The following ERICH1 variants were observed in gnomAD, a reference collection of about 807,000 sequenced individuals.
ERICH1 encodes glutamate rich 1, also known as glutamate-rich protein 1.
Under a neutral mutation model 39.6 loss-of-function variants are expected in ERICH1, and 56 were observed. That is an observed-to-expected ratio of 1.41 (90% confidence interval 1.14 to 1.77). ERICH1 has a LOEUF of 1.77. ERICH1 is among the 40% of genes most tolerant of loss of function. ERICH1 has a pLI of 0.00. For missense variants in ERICH1, 826 were observed against 575.4 expected (o/e 1.44, Z -4.45); for synonymous variants, 313 against 223.6 (o/e 1.40, Z -3.57).
chr8:678,827 A>T (rs1005127272), intron 3 of ERICH1, among the ~76,000 whole-genome samples: 2 of 152,150 alleles, frequency 1.3e-5, no homozygotes, highest in African/African-American at 4.8e-5. Flanking sequence ...GAAAAAGCCA[A>T]CACATGTCTT....
intron 3 of ERICH1, among the ~76,000 whole-genome samples, chr8:636,146 G>A (rs973602047): frequency 2.6e-5 from 4 of 152,218 alleles, no homozygotes; most frequent in African/African-American, 9.6e-5. Context: ...CGCGCTCTAA[G>A]GCGGCTGAAT....
rs1202452921 is a variant in ERICH1 at position 731,131 on chromosome 8, C to G, written c.22+9G>C. The G allele has an allele frequency of 4.6e-6, 7 of 1,520,828 alleles. No homozygotes were observed. The highest frequency in any genetic ancestry group is 4.3e-5 in the African/African-American group (3 of 70,478). 94.2% of individuals were successfully genotyped at this position (1,520,828 alleles called of 1,614,324 possible). On this transcript the variant is annotated intron_variant, in intron 1 of 5. Coordinates refer to ENST00000262109, the MANE Select transcript of ERICH1 (RefSeq NM_207332.3). Reference sequence around the variant, plus strand: ...GGTCTGGGCAGGCCTCCGCACCGCACCCACCTACCGTGCTTCCTGTGCGCC... The same window carrying G: ...GGTCTGGGCAGGCCTCCGCACCGCAGCCACCTACCGTGCTTCCTGTGCGCC...
rs927441973 is a variant in ERICH1, at chr8:668,239, C to G, written c.1258+359G>C. ...CCACGTCAGGGGTTCAATAAGGTAC[C>G]AGAGAGTTGGAGGTAAGCAAAAATT... On this transcript the variant is annotated intron_variant, in intron 5 of 5. Coordinates refer to ENST00000262109, the MANE Select transcript of ERICH1 (RefSeq NM_207332.3). 9.4e-6 allele frequency: 3 copies of G among 318,546 alleles called. 1 individual carries two copies. Among genetic ancestry groups the G allele is most frequent in the Admixed American group, 9.6e-5 (2 of 20,770 alleles). The allele number at this position is 318,546 out of a possible 1,614,324, so 19.7% of individuals were successfully genotyped here.
downstream of ERICH1, among the ~76,000 whole-genome samples, chr8:660,710 G>T (rs1801301087): frequency 6.6e-6 from 1 of 152,214 alleles, no homozygotes; most frequent in Admixed American, 6.5e-5. Flanking sequence ...CCCTGGCCCT[G>T]GCCCAAACTG....
chr8:730,521 G>C (rs978045943), intron 1 of ERICH1, among the ~76,000 whole-genome samples: 1 of 152,212 alleles, frequency 6.6e-6, no homozygotes, highest in Non-Finnish European at 1.5e-5. Flanking sequence ...GGGGTTTGCA[G>C]GAAGCAGGAG....
intron 3 of ERICH1, among the ~76,000 whole-genome samples, chr8:652,987 T>A (rs796873986): frequency 7.2e-5 from 11 of 152,328 alleles, no homozygotes; most frequent in African/African-American, 2.2e-4. Flanking sequence ...AGCACACTCA[T>A]GTGCTGTTGC....
intron 3 of ERICH1, among the ~76,000 whole-genome samples, chr8:647,096 C>T (rs1196465593): frequency 1.5e-5 from 1 of 68,666 alleles, no homozygotes; most frequent in Non-Finnish European, 4.5e-5. Context: ...CCTGTCCACG[C>T]AGGTGGCGGG....
At chr8:637,122 T>A (rs1212127564) in intron 3 of ERICH1, among the ~76,000 whole-genome samples, 3 of 152,142 alleles carry the variant, frequency 2.0e-5, no homozygotes, top group African/African-American at 7.2e-5. Flanking sequence ...GCTTCTCTCT[T>A]CTCTCTGCAG....
intron 3 of ERICH1, chr8:627,159 G>C: frequency 2.2e-6 from 1 of 456,274 alleles, no homozygotes; most frequent in Non-Finnish European, 4.4e-6. Flanking sequence ...GCAGACCCAG[G>C]TCTGAGCTCA....
At chr8:634,191 C>CAAAA (rs889597437) in intron 3 of ERICH1, among the ~76,000 whole-genome samples, 1 of 129,838 alleles carries the variant, frequency 7.7e-6, no homozygotes, top group Non-Finnish European at 1.7e-5. Flanking sequence ...AAAAAACAAA[C>CAAAA]AAAAAAAACC....
At chr8:682,329 G>C (rs1806317412) in intron 3 of ERICH1, among the ~76,000 whole-genome samples, 1 of 152,174 alleles carries the variant, frequency 6.6e-6, no homozygotes, top group Non-Finnish European at 1.5e-5. Context: ...AAGACAGTTG[G>C]CTCAGCAGGT....
At chr8:712,707 G>A (rs1303794609) in intron 2 of ERICH1, among the ~76,000 whole-genome samples, 1 of 152,184 alleles carries the variant, frequency 6.6e-6, no homozygotes, top group Non-Finnish European at 1.5e-5. Flanking sequence ...AAAGTGCTGG[G>A]TGTTTTTAAT....
chr8:731,078 C>G, intron 1 of ERICH1, 62 bp downstream of exon 1: 1 of 1,395,880 alleles, frequency 7.2e-7, no homozygotes, highest in South Asian at 1.5e-5. Flanking sequence ...GAGTCAACAC[C>G]GCGGTCTGAG....
intron 3 of ERICH1, among the ~76,000 whole-genome samples, chr8:653,039 G>T (rs1226694135): frequency 6.6e-6 from 1 of 152,190 alleles, no homozygotes; most frequent in Non-Finnish European, 1.5e-5. Context: ...AGACGGGGTA[G>T]AAATTCCTCA....
chr8:654,308 T>TAA (rs985020314), intron 3 of ERICH1, among the ~76,000 whole-genome samples: 4 of 152,158 alleles, frequency 2.6e-5, no homozygotes, highest in African/African-American at 9.7e-5. Flanking sequence ...CCCGTTAACT[T>TAA]ACTAGCATAT....
At chr8:689,074 G>A (rs1202247411) in intron 3 of ERICH1, among the ~76,000 whole-genome samples, 1 of 152,160 alleles carries the variant, frequency 6.6e-6, no homozygotes, top group African/African-American at 2.4e-5. Flanking sequence ...TCCCAGAGAG[G>A]TACACTCATA....
At chr8:624,222 G>C (rs547490025) in intron 3 of ERICH1, among the ~76,000 whole-genome samples, 3 of 152,280 alleles carry the variant, frequency 2.0e-5, no homozygotes, top group East Asian at 3.9e-4. Flanking sequence ...AGGATGGCTA[G>C]ATGAGAAAGA....
chr8:690,202 G>A (rs764074500), intron 3 of ERICH1, among the ~76,000 whole-genome samples: 10 of 152,140 alleles, frequency 6.6e-5, no homozygotes, highest in African/African-American at 1.9e-4. Flanking sequence ...CCCACAGCCC[G>A]TCTCCTTCCA....
chr8:619,294 G>A (rs546524024), intron 3 of ERICH1, among the ~76,000 whole-genome samples: 6 of 152,238 alleles, frequency 3.9e-5, no homozygotes, highest in Admixed American at 6.5e-5. Context: ...GACCCACCGC[G>A]CACGAGGGGG....
Sources: allele counts gnomAD v4.1 joint callset (sites outside exome capture counted in the v4.1 genomes callset), GRCh38; gene constraint gnomAD v4.1.1; transcripts MANE v1.5; gene names NCBI Gene and HGNC (gene_info 2026-07-23, HGNC 2026-07-21).